Variants in MYBPC1 observed in about 807,000 individuals in gnomAD.
The protein encoded by MYBPC1 is myosin-binding protein C, slow-type.
A neutral mutation model predicts 147.1 loss-of-function variants in MYBPC1; 52 were observed. The observed-to-expected ratio is 0.35, with a 90% CI of 0.28 to 0.45. MYBPC1 has a LOEUF of 0.45. Among genes scored for constraint, MYBPC1 ranks in the 20% least tolerant of loss-of-function variants. MYBPC1 has a pLI of 1.00. For missense variants in MYBPC1, 1,228 were observed against 1,440.3 expected (o/e 0.85, Z 2.39); for synonymous variants, 477 against 475.9 (o/e 1.00, Z -0.03).
At chr12:101,657,082 T>C (rs1407779057) in intron 18 of MYBPC1, among the ~76,000 whole-genome samples, 1 of 151,982 alleles carries the variant, frequency 6.6e-6, no homozygotes, top group African/African-American at 2.4e-5. Context: ...GAAAAATAGC[T>C]GAAAATCCCT....
At chr12:101,648,587 G>A (rs1192440114) in intron 14 of MYBPC1, among the ~76,000 whole-genome samples, 5 of 152,138 alleles carry the variant, frequency 3.3e-5, no homozygotes, top group East Asian at 1.9e-4. Flanking sequence ...GTGTTAATTC[G>A]GTTTTAGAAA....
At chr12:101,666,502 C>CT (rs1897439695) in intron 22 of MYBPC1, 2 of 482,670 alleles carry the variant, frequency 4.1e-6, no homozygotes, top group East Asian at 3.9e-5. Flanking sequence ...CTATTCTTTT[C>CT]TTTTTTCTCC....
rs1895113091 is a variant in MYBPC1 at position 101,654,216 on chromosome 12, T to A, written c.1767+968T>A. Among the ~76,000 whole-genome samples the A allele has an allele frequency of 2.0e-5, 3 of 152,168 alleles. No individual in the cohort carries two copies. In the South Asian group the frequency reaches 6.2e-4, roughly 32 times the overall value. ...GTGAGACTCTATCTCAAAACAAATTTTTTTAATGTTAAAAATAAAATTAAA... is the reference window on the plus strand; with the variant it reads ...GTGAGACTCTATCTCAAAACAAATTATTTTAATGTTAAAAATAAAATTAAA... On this transcript the variant is annotated intron_variant, in intron 18 of 31. Transcript: ENST00000361466.
chr12:101,627,030 T>A, intron 4 of MYBPC1, 120 bp downstream of exon 4: 1 of 917,542 alleles, frequency 1.1e-6, no homozygotes, highest in Non-Finnish European at 1.7e-6. Context: ...GCAACAGTTT[T>A]CGCCTGTGCT....
At chr12:101,631,507 C>A (rs931140816) in intron 6 of MYBPC1, 64 bp from the exon 7 acceptor site, 1 of 1,557,888 alleles carries the variant, frequency 6.4e-7, no homozygotes, top group African/African-American at 1.4e-5. Flanking sequence ...CAACTCCTTC[C>A]AGTTGAAAGC....
intron 29 of MYBPC1, among the ~76,000 whole-genome samples, chr12:101,681,577 TA>T: frequency 1.5e-4 from 4 of 27,474 alleles, no homozygotes; most frequent in African/African-American, 1.8e-4. Flanking sequence ...TATATATATA[TA>T]TATATATATA....
At chr12:101,666,894 T>TACACACACACACACACACAC (rs1201276523) in intron 22 of MYBPC1, 8 of 313,744 alleles carry the variant, frequency 2.5e-5, no homozygotes, top group Non-Finnish European at 4.4e-5. Flanking sequence ...ATCACATACA[T>TACACACACACACACACACAC]ACACACACAC....
At chr12:101,681,936 G>A (rs1007449120) in intron 29 of MYBPC1, among the ~76,000 whole-genome samples, 2 of 151,768 alleles carry the variant, frequency 1.3e-5, no homozygotes, top group Non-Finnish European at 2.9e-5. Flanking sequence ...TTTTAAAGCT[G>A]TATTCTTTCT....
downstream of MYBPC1, among the ~76,000 whole-genome samples, chr12:101,687,742 T>G (rs1270717217): frequency 6.6e-6 from 1 of 152,208 alleles, no homozygotes; most frequent in Non-Finnish European, 1.5e-5. Context: ...GCTGCTTAAC[T>G]CAAATACTCT....
chr12:101,631,190 A>G (rs1889807511), intron 6 of MYBPC1, among the ~76,000 whole-genome samples: 1 of 152,192 alleles, frequency 6.6e-6, no homozygotes, highest in Non-Finnish European at 1.5e-5. Flanking sequence ...TTTATTTCAT[A>G]CATATCCATA....
At chr12:101,690,677 C>T (rs1951399960), downstream of MYBPC1, among the ~76,000 whole-genome samples, 1 of 152,164 alleles carries the variant, frequency 6.6e-6, no homozygotes, top group Non-Finnish European at 1.5e-5. Context: ...GTTCTCTTAA[C>T]CCTAAATTGC....
chr12:101,678,265 T>C (rs140236885), intron 28 of MYBPC1, 27 bp downstream of exon 28: 3 of 1,612,288 alleles, frequency 1.9e-6, no homozygotes, highest in Non-Finnish European at 2.5e-6. Context: ...TCACATCAGT[T>C]AAAGTCCCTG....
intron 1 of MYBPC1, among the ~76,000 whole-genome samples, chr12:101,612,334 T>C (rs1884608413): frequency 6.6e-6 from 1 of 152,112 alleles, no homozygotes; most frequent in Non-Finnish European, 1.5e-5. Flanking sequence ...GCACAATGAA[T>C]AAGGCAGAGT....
rs757730906 is a variant in MYBPC1, at chr12:101,632,017, G to T, written c.439-4G>T. The T allele has an allele frequency of 2.5e-6, 4 of 1,596,886 alleles. No homozygotes were observed. The highest frequency in any genetic ancestry group is 3.4e-6 in the Non-Finnish European group (4 of 1,164,382). On this transcript the variant is annotated splice_polypyrimidine_tract_variant and splice_region_variant and intron_variant, in intron 7 of 31. Transcript: ENST00000361466. The stretch of plus-strand genomic sequence containing the variant: ...TGTGTGTGTCTGGATGCATTTCATT[G>T]CAGGTGTACACATTTGAGATGCAGA...
intron 29 of MYBPC1, 103 bp downstream of exon 29, chr12:101,680,632 C>T: frequency 2.1e-6 from 3 of 1,444,816 alleles, no homozygotes; most frequent in South Asian, 1.2e-5. Flanking sequence ...TGCCAAAATG[C>T]TGCAGCGAGG....
In MYBPC1 at chr12:101,670,419, C is replaced by A; in HGVS notation, c.2613+10C>A. 1 of 1,607,002 alleles carries A rather than the reference C, an allele frequency of 6.2e-7. No homozygotes were observed. The highest frequency in any genetic ancestry group is 8.5e-7 in the Non-Finnish European group (1 of 1,173,588). ...GGTTATACCTTTCCAGGTAAGAGTTCAAGGGTCGCTCTTTTTCTCTTTAGA... is the reference window on the plus strand; with the variant it reads ...GGTTATACCTTTCCAGGTAAGAGTTAAAGGGTCGCTCTTTTTCTCTTTAGA... On this transcript the variant is annotated intron_variant, in intron 24 of 31. Transcript: ENST00000361466.
intron 3 of MYBPC1, among the ~76,000 whole-genome samples, chr12:101,621,063 T>A (rs825093): frequency 0.15 from 22,928 of 152,084 alleles, 1,964 homozygotes; most frequent in East Asian, 0.31. Context: ...GTTTTAAATT[T>A]AAAAAAATGA....
chr12:101,652,552 C>T (rs1421372441), intron 16 of MYBPC1, 126 bp from the exon 17 acceptor site: 5 of 701,576 alleles, frequency 7.1e-6, no homozygotes, highest in African/African-American at 5.3e-5. Context: ...CTCTTTCTCT[C>T]TCTCTCTCCC....
chr12:101,595,088 G>C lies in MYBPC1; in HGVS notation c.18G>C (p.Lys6Asn), dbSNP rs1876659333. ...TTGTGGCCATGCCAGAACCCACTAA[G>C]AAAGAGGGTAAGACTTATCTAGAAA... The part of the protein sequence containing the change: MPEPT[K>N]KEENEVPAPA... Residue 6 changes from lysine (K) to asparagine (N), a missense_variant, in exon 1 of 32, where the codon AAG becomes AAC. By Grantham distance (94) the Lys-to-Asn change is moderately conservative (BLOSUM62 0). Coordinates refer to ENST00000361466, the MANE Select transcript of MYBPC1 (RefSeq NM_002465.4). The C allele has an allele frequency of 1.9e-6, 3 of 1,612,744 alleles. No homozygotes were observed. The highest frequency in any genetic ancestry group is 1.6e-4 in the Middle Eastern group (1 of 6,078).
Sources: gnomAD v4.1 joint callset for allele counts (sites outside exome capture counted in the v4.1 genomes callset) on GRCh38, gnomAD v4.1.1 for gene constraint, MANE v1.5 for transcripts, NCBI Gene and HGNC (gene_info 2026-07-23, HGNC 2026-07-21) for gene names.